The following APOB variants were observed in gnomAD, a reference collection of about 807,000 sequenced individuals.
APOB encodes the protein apolipoprotein B.
APOB carries 153 observed loss-of-function variants against 314.1 expected under a neutral mutation model. The observed-to-expected ratio is 0.49, with a 90% CI of 0.43 to 0.56. The LOEUF is 0.56. APOB is among the 20% of genes least tolerant of loss of function. The pLI is 0.00. For synonymous variants in APOB, 2,087 were observed against 2,036.4 expected, an observed-to-expected ratio of 1.02 and a Z score of -0.67; for missense variants, 5,430 against 5,350.7, an observed-to-expected ratio of 1.01 and a Z score of -0.46.
intron 18 of APOB, among the ~76,000 whole-genome samples, chr2:21,022,512 AT>A (rs1188480256): frequency 6.6e-6 from 1 of 152,196 alleles, no homozygotes; most frequent in African/African-American, 2.4e-5. Flanking sequence ...TTGTTTCTTC[AT>A]TCTCAAAACA....
rs895420012 is a variant in APOB, at chr2:21,037,160, C to T, written c.633G>A (p.Gln211=). 20 of 1,614,262 alleles carry T rather than the reference C, an allele frequency of 1.2e-5. No homozygotes were observed. The highest frequency in any genetic ancestry group is 1.5e-5 in the Non-Finnish European group (18 of 1,180,052). ...TEISTERDLG[Q]CDRFKPIRTG... ...TGCGGATGGGCTTGAAGCGATCACA[C>T]TGCCCCAGGTCTCTTTCAGTGGATA... The change falls in exon 6 of 29, where the codon CAG becomes CAA. Residue 211 remains glutamine, a synonymous_variant. Coordinates refer to ENST00000233242, the MANE Select transcript of APOB (RefSeq NM_000384.3).
chr2:21,013,071 G>A, intron 25 of APOB, 89 bp downstream of exon 25: 2 of 1,538,682 alleles, frequency 1.3e-6, no homozygotes, highest in African/African-American at 1.4e-5. Context: ...CTGCTAGAAA[G>A]CCAAAGTCCT....
intron 12 of APOB, 71 bp from the exon 13 acceptor site, chr2:21,028,609 G>A: frequency 2.9e-6 from 3 of 1,023,118 alleles, no homozygotes; most frequent in Non-Finnish European, 4.6e-6. Flanking sequence ...GCAAACACTG[G>A]CATTGTCTGC....
Position 21,005,196 on chromosome 2 carries a change from G to C in APOB, c.11672C>G (p.Ser3891Cys). 6.2e-7 allele frequency: 1 copy of C among 1,614,060 alleles called. No individual in the cohort carries two copies. The highest frequency in any genetic ancestry group is 8.5e-7 in the Non-Finnish European group (1 of 1,179,948). ...ACTCCAAGTGGCATTATACACGGGA[G>C]AGTCTACCTCAAAGCGTGCAGTCAG... ...QALTARFEVD[S>C]PVYNATWSAS... Residue 3891 changes from serine to cysteine, a missense_variant, in exon 26 of 29, where the codon TCT (serine) becomes TGT (cysteine). By Grantham distance (112) the Ser-to-Cys change is moderately radical. Around this residue, in one of 3 missense-constraint regions of APOB, gnomAD observed 3,281 missense variants for 3,171.0 expected, o/e 1.03. Transcript: ENST00000233242.
At chr2:21,017,286 G>T (rs183818906) in intron 20 of APOB, among the ~76,000 whole-genome samples, 496 of 152,218 alleles carry the variant, frequency 3.3e-3, no homozygotes, top group Non-Finnish European at 4.5e-3. Flanking sequence ...GGGAATCCTT[G>T]CTTTCATGGG....
chr2:21,028,523 G>A lies in APOB; in HGVS notation c.1633C>T (p.Leu545Phe), dbSNP rs1322854525. Residue 545 changes from leucine (L) to phenylalanine (F), a missense_variant, in exon 13 of 29, where the codon CTT (leucine) becomes TTT (phenylalanine). Leu to Phe is a conservative substitution (Grantham distance 22). Around this residue, in one of 3 missense-constraint regions of APOB, gnomAD observed 2,085 missense variants for 2,079.7 expected, o/e 1.00. Coordinates refer to ENST00000233242, the MANE Select transcript of APOB (RefSeq NM_000384.3). ...GAAGCATCATCAAGGAAAGTCTGAA[G>A]AAGAACCTCCTGGTCCTGCAGTCAA... Reference protein sequence around the residue: ...EPKDKDQEVLLQTFLDDASPG... With the variant: ...EPKDKDQEVLFQTFLDDASPG... 1 of 1,612,254 alleles carries A rather than the reference G, an allele frequency of 6.2e-7. No individual in the cohort carries two copies. The highest frequency in any genetic ancestry group is 1.3e-5 in the African/African-American group (1 of 74,934).
rs1663029495 is a variant in APOB at position 21,002,926 on chromosome 2, C to T, written c.12496G>A (p.Gly4166Arg). ...LTQEGQASFQGLKDNVFDGLV... is the reference protein window; with the variant it reads ...LTQEGQASFQRLKDNVFDGLV... ...CCATCAAACACGTTATCCTTGAGTC[C>T]CTGGAAACTGGCTTGGCCTTCCTGA... Residue 4166 changes from glycine (G) to arginine (R), a missense_variant, in exon 29 of 29, where the codon GGA becomes AGA. Gly to Arg is a moderately radical substitution (Grantham distance 125). Transcript: ENST00000233242. The T allele has an allele frequency of 6.2e-7, 1 of 1,613,098 alleles. No individual in the cohort carries two copies. The highest frequency in any genetic ancestry group is 1.3e-5 in the African/African-American group (1 of 74,852).
chr2:21,042,489 G>A lies in APOB; in HGVS notation c.122-13C>T, dbSNP rs72653056. The A allele has an allele frequency of 8.1e-6, 13 of 1,603,348 alleles. No homozygotes were observed. The highest frequency in any genetic ancestry group is 1.1e-5 in the Non-Finnish European group (13 of 1,170,152). On this transcript the variant is annotated splice_polypyrimidine_tract_variant and intron_variant, in intron 2 of 28. Coordinates refer to ENST00000233242, the MANE Select transcript of APOB (RefSeq NM_000384.3). ...CGGGTCGCATCTTCTAACGTGGGGAGAAATACGTCAGCCACATAGCAGAAA... is the reference window on the plus strand; with the variant it reads ...CGGGTCGCATCTTCTAACGTGGGGAAAAATACGTCAGCCACATAGCAGAAA...
chr2:21,010,836 C>A lies in APOB; in HGVS notation c.6032G>T (p.Gly2011Val). The change falls in exon 26 of 29, where the codon GGA becomes GTA. Residue 2011 changes from glycine to valine, a missense_variant. This residue lies in a region of APOB where 3,281 missense variants were observed against 3,171.0 expected (regional missense o/e 1.03). Coordinates refer to ENST00000233242, the MANE Select transcript of APOB (RefSeq NM_000384.3). ...TKDKIGVELT[G>V]RTLADLTLLD... ...TAGAGTTAGGTCAGCCAGAGTTCGT[C>A]CAGTAAGCTCCACGCCAATTTTATC... 1 of 1,614,130 alleles carries A rather than the reference C, an allele frequency of 6.2e-7. No individual in the cohort carries two copies. Among genetic ancestry groups the A allele is most frequent in the East Asian group, 2.2e-5 (1 of 44,876 alleles).
intron 12 of APOB, 128 bp downstream of exon 12, chr2:21,029,511 G>C (rs1663824501): frequency 9.4e-7 from 1 of 1,060,116 alleles, no homozygotes; most frequent in Non-Finnish European, 1.4e-6. Flanking sequence ...AAGGAAGGAA[G>C]GAAGGAAGGA....
rs1663834069 is a variant in APOB at position 21,029,923 on chromosome 2, T to G, written c.1445A>C (p.Glu482Ala). 6.2e-7 allele frequency: 1 copy of G among 1,613,542 alleles called. No individual in the cohort carries two copies. The highest frequency in any genetic ancestry group is 1.7e-5 in the Admixed American group (1 of 60,010). The change falls in exon 11 of 29, where the codon GAA becomes GCA. Residue 482 changes from glutamate (E) to alanine (A), a missense_variant. Glu to Ala is a moderately radical substitution (Grantham distance 107). This residue lies in a region of APOB where 2,085 missense variants were observed against 2,079.7 expected (regional missense o/e 1.00). Coordinates refer to ENST00000233242, the MANE Select transcript of APOB (RefSeq NM_000384.3). ...EQIQDDCTGD[E>A]DYTYLILRVI... ...CCGCAGAATCAAATAGGTGTAATCT[T>G]CATCCCCAGTGCAGTCATCTTGAAT...
chr2:21,002,292 A>T lies in APOB; in HGVS notation c.13130T>A (p.Ile4377Asn). ...LQEASQELQQ[I>N]HQYIMALREE... ...ACGAAGGGCCATAATGTATTGATGG[A>T]TCTGCTGTAACTCTTGAGAAGCTTC... The change falls in exon 29 of 29, where the codon ATC (isoleucine) becomes AAC (asparagine). Residue 4377 changes from isoleucine to asparagine, a missense_variant. Physicochemically the swap from Ile to Asn is moderately radical, Grantham distance 149. Around this residue, in one of 3 missense-constraint regions of APOB, gnomAD observed 3,281 missense variants for 3,171.0 expected, o/e 1.03. Coordinates refer to ENST00000233242, the MANE Select transcript of APOB (RefSeq NM_000384.3). 1.9e-6 allele frequency: 3 copies of T among 1,613,938 alleles called. No homozygotes were observed. Among genetic ancestry groups the T allele is most frequent in the Non-Finnish European group, 2.5e-6 (3 of 1,179,938 alleles).
intron 4 of APOB, 21 bp from the exon 5 acceptor site, chr2:21,038,132 T>A: frequency 6.2e-7 from 1 of 1,613,308 alleles, no homozygotes; most frequent in Non-Finnish European, 8.5e-7. Context: ...GAGAGGATGG[T>A]CACGGAAATG....
chr2:21,025,903 C>T (rs1303328716), intron 15 of APOB, among the ~76,000 whole-genome samples: 1 of 152,170 alleles, frequency 6.6e-6, no homozygotes, highest in Non-Finnish European at 1.5e-5. Context: ...AACCTATTTC[C>T]CTCCTTAAAT....
At position 21,006,812 on chromosome 2, in the gene APOB, G is replaced by C; in HGVS notation, c.10056C>G (p.Thr3352=). The C allele has an allele frequency of 6.2e-7, 1 of 1,614,010 alleles. No individual in the cohort carries two copies. Among genetic ancestry groups the C allele is most frequent in the African/African-American group, 1.3e-5 (1 of 75,004 alleles). Residue 3352 remains threonine (T), a synonymous_variant, in exon 26 of 29, where the codon ACC becomes ACG. Coordinates refer to ENST00000233242, the MANE Select transcript of APOB (RefSeq NM_000384.3). ...SFKSSVITLN[T]NAELFNQSDI... ...CTGACTGGTTAAAAAGTTCAGCATT[G>C]GTATTCAGTGTGATGACACTTGATT...
In APOB at chr2:21,006,303, T is replaced by G; in HGVS notation, c.10565A>C (p.Asn3522Thr). ...TIASEANTYL[N>T]SKSTRSSVKL... ...CACTGAAGACCGTGTGCTCTTGGAA[T>G]TCAAGTAAGTGTTGGCCTCACTAGC... Residue 3522 changes from asparagine (N) to threonine (T), a missense_variant, in exon 26 of 29, where the codon AAT (asparagine) becomes ACT (threonine). Coordinates refer to ENST00000233242, the MANE Select transcript of APOB (RefSeq NM_000384.3). 1.2e-6 allele frequency: 2 copies of G among 1,614,068 alleles called. No homozygotes were observed. Among genetic ancestry groups the G allele is most frequent in the Non-Finnish European group, 1.7e-6 (2 of 1,179,980 alleles).
intron 20 of APOB, among the ~76,000 whole-genome samples, chr2:21,017,492 A>G (rs11126598): frequency 0.72 from 109,947 of 152,072 alleles, 40,759 homozygotes; most frequent in African/African-American, 0.84. Flanking sequence ...CCAGAATGAA[A>G]AGAGGTTGGA....
chr2:21,030,141 T>A, intron 10 of APOB, 126 bp from the exon 11 acceptor site: 1 of 688,120 alleles, frequency 1.5e-6, no homozygotes, highest in Non-Finnish European at 2.5e-6. Context: ...CCTGAATAGC[T>A]GAAGCAATTT....
Position 21,005,513 on chromosome 2 carries a change from T to C in APOB, c.11355A>G (p.Thr3785=), listed in dbSNP as rs1340957349. ...RTSSFALNLP[T]LPEVKFPEVD... is the part of the protein sequence containing the mutation. ...CTTCAGGGAATTTTACCTCGGGGAG[T>C]GTTGGTAGGTTGAGGGCAAATGATG... is the stretch of plus-strand genomic sequence containing the variant. Residue 3785 remains threonine, a synonymous_variant, in exon 26 of 29, where the codon ACA becomes ACG. Transcript: ENST00000233242. 4 of 1,613,494 alleles carry C rather than the reference T, an allele frequency of 2.5e-6. No individual in the cohort carries two copies. In the South Asian group the frequency reaches 4.4e-5, roughly 18 times the overall value.
Sources: allele counts gnomAD v4.1 joint callset (sites outside exome capture counted in the v4.1 genomes callset), GRCh38; gene constraint gnomAD v4.1.1; regional missense constraint gnomAD v4.1.1; transcripts MANE v1.5; gene names NCBI Gene and HGNC (gene_info 2026-07-23, HGNC 2026-07-21).